Variants in NBEAL1 observed in about 807,000 individuals in gnomAD.
NBEAL1 encodes neurobeachin like 1.
In NBEAL1, 273 loss-of-function variants were observed where a neutral mutation model predicts 351.3. The ratio of observed to expected loss-of-function variants is 0.78; its 90% CI spans 0.70 to 0.86. NBEAL1 has a LOEUF of 0.86. Among genes scored for constraint, NBEAL1 ranks in the 40% least tolerant of loss-of-function variants. The pLI is 0.00. For missense variants in NBEAL1, 2,961 were observed against 3,201.3 expected, an observed-to-expected ratio of 0.92 and a Z score of 1.81; for synonymous variants, 1,050 against 1,086.4, an observed-to-expected ratio of 0.97 and a Z score of 0.66.
rs1214592656 is a variant in NBEAL1, at chr2:203,126,826, C to T, written c.3148C>T (p.His1050Tyr). The T allele has an allele frequency of 4.8e-5, 74 of 1,550,404 alleles. No homozygotes were observed. Among genetic ancestry groups the T allele is most frequent in the Non-Finnish European group, 6.5e-5 (74 of 1,146,462 alleles). Residue 1050 changes from histidine to tyrosine, a missense_variant and splice_region_variant, in exon 23 of 56, where the codon CAC (histidine) becomes TAC (tyrosine). Coordinates refer to ENST00000683969, the MANE Select transcript of NBEAL1 (RefSeq NM_001378026.1). ...TACCATTGAACTTTTTATTTTAGGT[C>T]ACATACAGTATCTTTCAACCATCAT... ...NRGDFPFRIG[H>Y]IQYLSTIIKD...
chr2:203,024,551 CAAAAAAAA>C (rs59398616), intron 2 of NBEAL1, among the ~76,000 whole-genome samples: 9 of 131,742 alleles, frequency 6.8e-5, no homozygotes, highest in African/African-American at 2.7e-4. Context: ...GACTCTGTCT[CAAAAAAAA>C]AAAAAGAAAA....
At position 203,057,462 on chromosome 2, in the gene NBEAL1, T is replaced by A. The variant is rs746081147; in HGVS notation, c.515+9T>A. 2 of 1,541,594 alleles carry A rather than the reference T, an allele frequency of 1.3e-6. No individual in the cohort carries two copies. The highest frequency in any genetic ancestry group is 1.4e-5 in the African/African-American group (1 of 72,762). On this transcript the variant is annotated intron_variant, in intron 6 of 55. Transcript: ENST00000683969. The stretch of plus-strand genomic sequence containing the variant: ...AGACATAGAATTTCAGGGTATGTCT[T>A]ATAAATAATAACGTTCATTTAAAAC...
Position 203,126,028 on chromosome 2 carries a change from C to T in NBEAL1, c.2920C>T (p.Pro974Ser), listed in dbSNP as rs1335052243. 1.3e-6 allele frequency: 2 copies of T among 1,543,682 alleles called. No individual in the cohort carries two copies. The highest frequency in any genetic ancestry group is 2.4e-5 in the South Asian group (2 of 82,260). The change falls in exon 21 of 56, where the codon CCT becomes TCT. Residue 974 changes from proline to serine, a missense_variant. Transcript: ENST00000683969. ...LIVKHFIQRH[P>S]INQGNLIHSH... is the part of the protein sequence containing the mutation. Reference sequence around the variant, plus strand: ...TGTGAAACATTTTATTCAGAGACATCCTATCAACCAGGGCAATCTTATTCA... The same window carrying T: ...TGTGAAACATTTTATTCAGAGACATTCTATCAACCAGGGCAATCTTATTCA...
chr2:203,114,091 G>A (rs2062635759), intron 17 of NBEAL1, among the ~76,000 whole-genome samples: 1 of 151,888 alleles, frequency 6.6e-6, no homozygotes, highest in African/African-American at 2.4e-5. Context: ...CAAAGTGCTG[G>A]GATTACAGGC....
intron 6 of NBEAL1, among the ~76,000 whole-genome samples, chr2:203,064,993 C>T (rs1383103972): frequency 6.6e-6 from 1 of 152,176 alleles, no homozygotes; most frequent in Non-Finnish European, 1.5e-5. Context: ...CACAGTGGCT[C>T]ATGCCTGTAA....
At chr2:203,060,017 CT>C (rs1428863433) in intron 6 of NBEAL1, among the ~76,000 whole-genome samples, 1 of 152,212 alleles carries the variant, frequency 6.6e-6, no homozygotes, top group Admixed American at 6.5e-5. Context: ...TGCTACTTCT[CT>C]ATCCTCCGCC....
intron 10 of NBEAL1, among the ~76,000 whole-genome samples, 189 bp from the exon 11 acceptor site, chr2:203,097,358 T>G (rs2062205948): frequency 6.6e-6 from 1 of 152,200 alleles, no homozygotes; most frequent in African/African-American, 2.4e-5. Context: ...AAGAGAGAAA[T>G]ATCTAAACTA....
At chr2:203,119,255 C>A (rs1574997248) in intron 18 of NBEAL1, among the ~76,000 whole-genome samples, 1 of 151,038 alleles carries the variant, frequency 6.6e-6, no homozygotes, top group Non-Finnish European at 1.5e-5. Flanking sequence ...GTAGCCTCAT[C>A]CTCCTGGGCT....
chr2:203,065,737 G>A (rs773885459), intron 6 of NBEAL1, among the ~76,000 whole-genome samples: 29 of 151,772 alleles, frequency 1.9e-4, no homozygotes, highest in Non-Finnish European at 3.1e-4. Context: ...GGGCGACAGA[G>A]TGAGACTCTG....
At chr2:203,150,636 A>G (rs2063627382) in intron 34 of NBEAL1, among the ~76,000 whole-genome samples, 1 of 152,044 alleles carries the variant, frequency 6.6e-6, no homozygotes, top group African/African-American at 2.4e-5. Context: ...CTAAGAAACC[A>G]TTGCCAAGTC....
At chr2:203,191,854 G>C (rs1195842921) in intron 46 of NBEAL1, among the ~76,000 whole-genome samples, 1 of 152,066 alleles carries the variant, frequency 6.6e-6, no homozygotes, top group Admixed American at 6.6e-5. Flanking sequence ...ATGTTCTTAT[G>C]GGCCTTTATT....
chr2:203,026,506 ATTT>A (rs199701939), intron 2 of NBEAL1, among the ~76,000 whole-genome samples: 1 of 143,210 alleles, frequency 7.0e-6, no homozygotes, highest in Non-Finnish European at 1.5e-5. Context: ...GCCATTTTAA[ATTT>A]TTTTTTTTTT....
At chr2:203,069,560 C>T (rs1236326640) in intron 7 of NBEAL1, among the ~76,000 whole-genome samples, 3 of 152,120 alleles carry the variant, frequency 2.0e-5, no homozygotes, top group African/African-American at 7.2e-5. Flanking sequence ...GTAAAGTATC[C>T]CATAAAAGCC....
Position 203,199,344 on chromosome 2 carries a change from A to G in NBEAL1, c.7135A>G (p.Ile2379Val). The change falls in exon 49 of 56, where the codon ATA (isoleucine) becomes GTA (valine). Residue 2379 changes from isoleucine to valine, a missense_variant. Ile to Val is a conservative substitution (Grantham distance 29). Coordinates refer to ENST00000683969, the MANE Select transcript of NBEAL1 (RefSeq NM_001378026.1). Reference protein sequence around the residue: ...SQGSPELLITISMNYVIGTHG... With the variant: ...SQGSPELLITVSMNYVIGTHG... ...TTCATATGTTCTTTTCCAGATAACA[A>G]TAAGCATGAATTATGTTATTGGAAC... 1 of 1,566,684 alleles carries G rather than the reference A, an allele frequency of 6.4e-7. No homozygotes were observed. The highest frequency in any genetic ancestry group is 1.7e-5 in the Admixed American group (1 of 58,486).
chr2:203,094,672 A>G (rs1018233449), intron 10 of NBEAL1, among the ~76,000 whole-genome samples: 3 of 152,230 alleles, frequency 2.0e-5, no homozygotes, highest in South Asian at 2.1e-4. Flanking sequence ...TCATCAAACT[A>G]TAGAGTACTT....
chr2:203,086,882 C>T (rs1214135627), intron 10 of NBEAL1, among the ~76,000 whole-genome samples: 1 of 151,988 alleles, frequency 6.6e-6, no homozygotes, highest in African/African-American at 2.4e-5. Context: ...ATTATCGACC[C>T]AGTTTCTCAA....
intron 42 of NBEAL1, among the ~76,000 whole-genome samples, chr2:203,178,004 G>A (rs1381032582): frequency 6.9e-6 from 1 of 144,658 alleles, no homozygotes; most frequent in South Asian, 2.3e-4. Flanking sequence ...GGGCGACAGA[G>A]CAATACTCCA....
intron 7 of NBEAL1, among the ~76,000 whole-genome samples, chr2:203,070,339 TTC>T (rs1227694604): frequency 1.0e-4 from 15 of 150,556 alleles, no homozygotes; most frequent in South Asian, 2.1e-4. Context: ...TAACTTGTAT[TTC>T]TCTCTCTCTC....
Position 203,110,192 on chromosome 2 carries a change from C to A in NBEAL1, c.1992C>A (p.Thr664=). The A allele has an allele frequency of 1.3e-6, 2 of 1,552,652 alleles. No homozygotes were observed. Among genetic ancestry groups the A allele is most frequent in the South Asian group, 2.4e-5 (2 of 84,084 alleles). ...GSGMGFEAFI[T]HSGMLVVAVC... The stretch of plus-strand genomic sequence containing the variant: ...GCATGGGTTTTGAAGCCTTTATTAC[C>A]CATTCAGGTATGTTGGTCGTGGCAG... The change falls in exon 15 of 56, where the codon ACC becomes ACA. Residue 664 remains threonine, a synonymous_variant. Coordinates refer to ENST00000683969, the MANE Select transcript of NBEAL1 (RefSeq NM_001378026.1).
Sources: allele counts gnomAD v4.1 joint callset (sites outside exome capture counted in the v4.1 genomes callset), GRCh38; gene constraint gnomAD v4.1.1; transcripts MANE v1.5; gene names NCBI Gene and HGNC (gene_info 2026-07-23, HGNC 2026-07-21).